Variants in LTN1 observed in about 807,000 individuals in gnomAD.
The protein encoded by LTN1 is E3 ubiquitin-protein ligase listerin.
Under a neutral mutation model 201.2 loss-of-function variants are expected in LTN1, and 88 were observed. The observed-to-expected ratio is 0.44, with a 90% CI of 0.37 to 0.52. The LOEUF (loss-of-function observed/expected upper bound fraction) is 0.52. Ranked by LOEUF, LTN1 falls within the 20% of genes least tolerant of loss-of-function variation. LTN1 has a pLI of 0.00. For missense variants in LTN1, 1,752 were observed against 2,038.7 expected (o/e 0.86, Z 2.71); for synonymous variants, 645 against 713.5 (o/e 0.90, Z 1.53).
rs1050771905 is a variant in LTN1 at position 28,947,085 on chromosome 21, T to C, written c.3487+379A>G. Among the ~76,000 whole-genome samples, 6 of 152,212 alleles carry C rather than the reference T, an allele frequency of 3.9e-5. No homozygotes were observed. In the East Asian group the frequency reaches 7.7e-4, roughly 19 times the overall value. On this transcript the variant is annotated intron_variant, in intron 19 of 29. Coordinates refer to ENST00000361371, the MANE Select transcript of LTN1 (RefSeq NM_015565.3). ...CTTCTCTACAATAGGAACTACCATG[T>C]AGCAGGTGCTCATAAATGTTTATTA... is the stretch of plus-strand genomic sequence containing the variant.
At position 28,962,473 on chromosome 21, in the gene LTN1, G is replaced by GT. The variant is rs146083914; in HGVS notation, c.2164-1768dup. Reference sequence around the variant, plus strand: ...TGACTTTTGATGTTACGATTGTAATGTTTGGGGGTGCCACAAACCATTGCC... The same window carrying GT: ...TGACTTTTGATGTTACGATTGTAATGTTTTGGGGGTGCCACAAACCATTGCC... On this transcript the variant is annotated intron_variant, in intron 11 of 29. Coordinates refer to ENST00000361371, the MANE Select transcript of LTN1 (RefSeq NM_015565.3). Among the ~76,000 whole-genome samples, 1,086 of 152,290 alleles carry GT rather than the reference G, an allele frequency of 7.1e-3. 8 individuals carry two copies. The highest frequency in any genetic ancestry group is 0.025 in the African/African-American group (1,020 of 41,558).
chr21:28,955,879 C>T lies in LTN1; in HGVS notation c.3079+883G>A, dbSNP rs537286590. 2.0e-4 allele frequency among the ~76,000 whole-genome samples: 28 copies of T among 143,510 alleles called. No homozygotes were observed. In the East Asian group the frequency reaches 2.2e-3, roughly 11 times the overall value. 94.1% of individuals were successfully genotyped at this position (143,510 alleles called of 152,430 possible). A position where few individuals can be genotyped will look rare whatever the true frequency, so the allele number is the denominator to read the frequency against. On this transcript the variant is annotated intron_variant, in intron 16 of 29. Transcript: ENST00000361371. ...CAGAGGTTGTGGTGAGCCGAGATTGCGCCACTGCACTCAAGCCTGGGCAAC... is the reference window on the plus strand; with the variant it reads ...CAGAGGTTGTGGTGAGCCGAGATTGTGCCACTGCACTCAAGCCTGGGCAAC...
At chr21:28,958,909 G>C (rs529704497) in intron 13 of LTN1, among the ~76,000 whole-genome samples, 39 of 151,946 alleles carry the variant, frequency 2.6e-4, no homozygotes, top group African/African-American at 9.4e-4. Context: ...AGAAAAAAAA[G>C]AGAGAGAGAA....
chr21:28,953,190 T>A (rs1455714879), intron 17 of LTN1, 27 bp downstream of exon 17: 3 of 1,516,648 alleles, frequency 2.0e-6, no homozygotes, highest in Non-Finnish European at 1.8e-6. Flanking sequence ...ATAGTCATTT[T>A]AAAAACAAAT....
At chr21:28,959,781 A>G (rs1176391612) in intron 12 of LTN1, 84 bp from the exon 13 acceptor site, 2 of 1,178,582 alleles carry the variant, frequency 1.7e-6, no homozygotes, top group East Asian at 2.6e-5. Flanking sequence ...TAATAATTCT[A>G]TGGGTCTTTC....
chr21:28,981,386 T>C, intron 5 of LTN1, 87 bp from the exon 6 acceptor site: 4 of 709,814 alleles, frequency 5.6e-6, no homozygotes, highest in Middle Eastern at 4.6e-4. Flanking sequence ...TGTTTTATCA[T>C]TAAATATCTA....
rs774562730 is a variant in LTN1, at chr21:28,941,293, T to G, written c.4409A>C (p.Asp1470Ala). 1 of 1,613,322 alleles carries G rather than the reference T, an allele frequency of 6.2e-7. No individual in the cohort carries two copies. Among genetic ancestry groups the G allele is most frequent in the South Asian group, 1.1e-5 (1 of 91,014 alleles). Reference sequence around the variant, plus strand: ...AAGGTATCCCAGAACATAACAGAAGTCTTCACTCAGTGGTTTAATAGTAAC... The same window carrying G: ...AAGGTATCCCAGAACATAACAGAAGGCTTCACTCAGTGGTTTAATAGTAAC... ...QIVTIKPLSE[D>A]FCYVLGYLLT... Residue 1470 changes from aspartate to alanine, a missense_variant, in exon 25 of 30, where the codon GAC becomes GCC. By Grantham distance (126) the Asp-to-Ala change is moderately radical. Coordinates refer to ENST00000361371, the MANE Select transcript of LTN1 (RefSeq NM_015565.3).
intron 26 of LTN1, among the ~76,000 whole-genome samples, 178 bp from the exon 27 acceptor site, chr21:28,935,507 T>C (rs1205560102): frequency 6.6e-6 from 1 of 152,044 alleles, no homozygotes; most frequent in African/African-American, 2.4e-5. Flanking sequence ...TTCCACACAT[T>C]CAAAATGAAC....
chr21:28,935,373 T>C lies in LTN1; in HGVS notation c.4655-44A>G, dbSNP rs564630132. 8.5e-6 allele frequency: 10 copies of C among 1,173,254 alleles called. No individual in the cohort carries two copies. The African/African-American group carries it at 1.5e-4, about 18-fold the overall frequency. The allele number at this position is 1,173,254 out of a possible 1,614,324, so 72.7% of individuals were successfully genotyped here. A position where few individuals can be genotyped will look rare whatever the true frequency, so the allele number is the denominator to read the frequency against. On this transcript the variant is annotated intron_variant, in intron 26 of 29. Coordinates refer to ENST00000361371, the MANE Select transcript of LTN1 (RefSeq NM_015565.3). ...ATTGATTAGTAACATATATTTCTTA[T>C]ATAGAATAACAGACTAATATTAGTA...
intron 15 of LTN1, 63 bp from the exon 16 acceptor site, chr21:28,957,011 A>T (rs2084431144): frequency 1.9e-6 from 2 of 1,037,492 alleles, no homozygotes; most frequent in African/African-American, 3.2e-5. Context: ...ACTGAACAAA[A>T]ATGAAGTTGT....
At chr21:28,974,798 C>T (rs1483630299) in intron 6 of LTN1, among the ~76,000 whole-genome samples, 2 of 152,132 alleles carry the variant, frequency 1.3e-5, no homozygotes, top group African/African-American at 4.8e-5. Flanking sequence ...CTATGCCCAG[C>T]TAATTTTTAA....
rs557568468 is a variant in LTN1, at chr21:28,984,534, G to T, written c.576+158C>A. ...TTAATCTTGTTAAAGATCCAAAATG[G>T]TTATTTAACTAAACAGAATTTTAAA... On this transcript the variant is annotated intron_variant, in intron 4 of 29. Transcript: ENST00000361371. Among the ~76,000 whole-genome samples, 11 of 152,110 alleles carry T rather than the reference G, an allele frequency of 7.2e-5. No individual in the cohort carries two copies. The South Asian group carries it at 2.3e-3, about 32-fold the overall frequency.
chr21:28,986,984 A>G lies in LTN1; in HGVS notation c.43-50T>C, dbSNP rs1421496844. The G allele has an allele frequency of 1.6e-6, 2 of 1,254,588 alleles. No homozygotes were observed. Among genetic ancestry groups the G allele is most frequent in the South Asian group, 2.4e-5 (2 of 82,194 alleles). The allele number at this position is 1,254,588 out of a possible 1,614,324, so 77.7% of individuals were successfully genotyped here. A position where few individuals can be genotyped will look rare whatever the true frequency, so the allele number is the denominator to read the frequency against. ...AAGTCAGAGTCCAGGAAGGGTTCAA[A>G]ACTTAACTTTATAATTCCTTGGCTA... On this transcript the variant is annotated intron_variant, in intron 1 of 29. Coordinates refer to ENST00000361371, the MANE Select transcript of LTN1 (RefSeq NM_015565.3). This position sits in a 1 kb window ranked among gnomAD's most constrained non-coding sequence, Gnocchi z 4.1.
chr21:28,935,086 G>A, intron 27 of LTN1, 23 bp downstream of exon 27: 1 of 1,498,066 alleles, frequency 6.7e-7, no homozygotes, highest in Non-Finnish European at 9.3e-7. Flanking sequence ...AACTTTTCTA[G>A]AGAAAGTCAA....
intron 1 of LTN1, among the ~76,000 whole-genome samples, chr21:28,987,912 G>A (rs2084710764): frequency 6.6e-6 from 1 of 152,014 alleles, no homozygotes; most frequent in Non-Finnish European, 1.5e-5. Context: ...GGAAGGCCAA[G>A]GCGGGCAGAT....
rs570665727 is a variant in LTN1 at position 28,933,335 on chromosome 21, T to C, written c.4876-671A>G. ...CACCCATGCCCTAGTCCTTTGCTCATGTCTACCCCAATAGTCTCCTCTACC... is the reference window on the plus strand; with the variant it reads ...CACCCATGCCCTAGTCCTTTGCTCACGTCTACCCCAATAGTCTCCTCTACC... On this transcript the variant is annotated intron_variant, in intron 27 of 29. Transcript: ENST00000361371. 3.9e-5 allele frequency among the ~76,000 whole-genome samples: 6 copies of C among 152,312 alleles called. No individual in the cohort carries two copies. In the East Asian group the frequency reaches 9.6e-4, roughly 24 times the overall value.
At position 28,953,380 on chromosome 21, in the gene LTN1, AAAG is replaced by A. The variant is rs759155462; in HGVS notation, c.3080-7_3080-5del. On this transcript the variant is annotated splice_region_variant and splice_polypyrimidine_tract_variant and intron_variant, in intron 16 of 29. Coordinates refer to ENST00000361371, the MANE Select transcript of LTN1 (RefSeq NM_015565.3). ...AGTGAATAAAGCAGTTCTGCAACTA[AAAG>A]AAGAGACAGCACCAAATTATGAAAA... The A allele has an allele frequency of 3.2e-6, 5 of 1,568,516 alleles. No homozygotes were observed. Among genetic ancestry groups the A allele is most frequent in the East Asian group, 2.3e-5 (1 of 43,664 alleles).
intron 9 of LTN1, among the ~76,000 whole-genome samples, chr21:28,968,181 C>A (rs1378223145): frequency 6.6e-6 from 1 of 152,132 alleles, no homozygotes; most frequent in East Asian, 1.9e-4. Flanking sequence ...TTAATGATTT[C>A]ACCTCAATTA....
chr21:28,991,922 T>A (rs73901136), intron 1 of LTN1, among the ~76,000 whole-genome samples: 2,406 of 152,374 alleles, frequency 0.016, 67 homozygotes, highest in African/African-American at 0.055. Flanking sequence ...CGTGTAGTTT[T>A]ACACGAATCC....
Sources: gnomAD v4.1 joint callset for allele counts (sites outside exome capture counted in the v4.1 genomes callset) on GRCh38, gnomAD v4.1.1 for gene constraint, Gnocchi (gnomAD v3.1) non-coding constraint, MANE v1.5 for transcripts, NCBI Gene and HGNC (gene_info 2026-07-23, HGNC 2026-07-21) for gene names.